Variants in TMEM272 observed in about 807,000 individuals in gnomAD.
TMEM272 encodes the protein transmembrane protein 272, also known as long intergenic non-protein coding RNA 282.
A neutral mutation model predicts 3.7 loss-of-function variants in TMEM272; 8 were observed. The observed-to-expected ratio is 2.17, with a 90% CI of 1.27 to 3.91. The LOEUF (loss-of-function observed/expected upper bound fraction) is 3.91. Ranked by LOEUF, TMEM272 falls within the 30% of genes most tolerant of loss-of-function variation. The probability of loss-of-function intolerance (pLI) is 0.00; values close to 1 mark genes in which losing one functional copy is unlikely to be tolerated. For synonymous variants in TMEM272, 63 were observed against 39.8 expected (o/e 1.58, Z -2.20); for missense variants, 166 against 91.5 (o/e 1.81, Z -3.32).
chr13:51,916,484 T>A, the TMEM272 span, among the ~76,000 whole-genome samples: 1 of 152,260 alleles, frequency 6.6e-6, no homozygotes, highest in African/African-American at 2.4e-5. Flanking sequence ...GTAGCTATCA[T>A]CAACGCATTC....
chr13:51,833,937 A>G (rs1175349513), intron 2 of TMEM272, among the ~76,000 whole-genome samples: 2 of 152,110 alleles, frequency 1.3e-5, no homozygotes, highest in African/African-American at 4.8e-5. Context: ...GAGGAGGAGC[A>G]ATGAAGAGGG....
chr13:51,886,015 A>G, the TMEM272 span, among the ~76,000 whole-genome samples: 1,057 of 152,340 alleles, frequency 6.9e-3, 20 homozygotes, highest in African/African-American at 0.024. Flanking sequence ...TCCATAAAGG[A>G]AGAAGCTTGT....
chr13:51,910,162 C>T, the TMEM272 span: 17 of 1,057,926 alleles, frequency 1.6e-5, no homozygotes, highest in Admixed American at 1.7e-4. Flanking sequence ...GATTTCTCTT[C>T]TTTTATCCCC....
At chr13:51,884,527 C>A in the TMEM272 span, among the ~76,000 whole-genome samples, 100 of 152,286 alleles carry the variant, frequency 6.6e-4, no homozygotes, top group African/African-American at 2.3e-3. Context: ...TACAGCCTGA[C>A]AATTAAAATG....
chr13:51,903,380 C>T, the TMEM272 span, among the ~76,000 whole-genome samples: 5 of 152,190 alleles, frequency 3.3e-5, no homozygotes, highest in African/African-American at 1.2e-4. Flanking sequence ...CACTTCATAA[C>T]TCATTCCTAA....
At chr13:51,906,876 C>T in the TMEM272 span, among the ~76,000 whole-genome samples, 4 of 152,246 alleles carry the variant, frequency 2.6e-5, no homozygotes, top group Non-Finnish European at 4.4e-5. Flanking sequence ...AAGCTATACC[C>T]TGACTCCACA....
At chr13:51,852,813 A>G in the TMEM272 span, among the ~76,000 whole-genome samples, 127 of 151,638 alleles carry the variant, frequency 8.4e-4, no homozygotes, top group African/African-American at 2.9e-3. Context: ...CAGGAGGTGA[A>G]GGATGCAGTG....
the TMEM272 span, among the ~76,000 whole-genome samples, chr13:51,896,654 A>C: frequency 6.6e-6 from 1 of 152,110 alleles, no homozygotes; most frequent in Non-Finnish European, 1.5e-5. Flanking sequence ...ATCTCTTCCC[A>C]TGAGGCACCC....
At chr13:51,870,458 A>C in the TMEM272 span, among the ~76,000 whole-genome samples, 1 of 152,232 alleles carries the variant, frequency 6.6e-6, no homozygotes, top group African/African-American at 2.4e-5. Context: ...AAGAAATGAG[A>C]ATGAAAGAGA....
At chr13:51,840,484 C>T (rs766336060) in intron 1 of TMEM272, among the ~76,000 whole-genome samples, 14 of 152,174 alleles carry the variant, frequency 9.2e-5, no homozygotes, top group Non-Finnish European at 1.6e-4. Flanking sequence ...TTAACCAGAA[C>T]GGACTTTGAC....
chr13:51,919,326 C>G, the TMEM272 span, among the ~76,000 whole-genome samples: 1 of 152,048 alleles, frequency 6.6e-6, no homozygotes, highest in Non-Finnish European at 1.5e-5. Context: ...CAGATTTAAC[C>G]AGTGCTGACA....
chr13:51,917,573 T>A, the TMEM272 span, among the ~76,000 whole-genome samples: 1 of 152,182 alleles, frequency 6.6e-6, no homozygotes, highest in Non-Finnish European at 1.5e-5. Flanking sequence ...CACACGCTAC[T>A]GAGGACAGGT....
At chr13:51,817,949 C>T (rs1381598251) in intron 4 of TMEM272, among the ~76,000 whole-genome samples, 1 of 152,198 alleles carries the variant, frequency 6.6e-6, no homozygotes, top group Non-Finnish European at 1.5e-5. Context: ...AGCACACTTT[C>T]CCCCTGGAAA....
the TMEM272 span, among the ~76,000 whole-genome samples, chr13:51,919,631 C>A: frequency 6.6e-6 from 1 of 152,206 alleles, no homozygotes; most frequent in East Asian, 1.9e-4. Flanking sequence ...TTGGTTCATT[C>A]TGAATGCTGC....
rs1274201872 is a variant in TMEM272, at chr13:51,815,538, T to TA, written c.*1212dup. On this transcript the variant is annotated 3_prime_UTR_variant, in exon 5 of 5. Coordinates refer to ENST00000629372, the MANE Select transcript of TMEM272 (RefSeq NM_001351003.2). ...AGAAAGCACGAAAACATAACAAAGT[T>TA]AAAAAATAAACACAGCTCAGCAGTG... 6.6e-6 allele frequency: 1 copy of TA among 152,274 alleles called. No individual in the cohort carries two copies. The allele number at this position is 152,274 out of a possible 1,614,324, so 9.4% of individuals were successfully genotyped here. A position where few individuals can be genotyped will look rare whatever the true frequency, so the allele number is the denominator to read the frequency against.
chr13:51,928,473 C>A, the TMEM272 span, among the ~76,000 whole-genome samples: 1 of 152,284 alleles, frequency 6.6e-6, no homozygotes, highest in African/African-American at 2.4e-5. Context: ...GATGAGAAGG[C>A]TGAAGCCCCG....
At chr13:51,912,782 C>T in the TMEM272 span, among the ~76,000 whole-genome samples, 1 of 152,202 alleles carries the variant, frequency 6.6e-6, no homozygotes, top group Non-Finnish European at 1.5e-5. Flanking sequence ...ATGTCCAGTG[C>T]AGTCCTGGCA....
chr13:51,830,211 C>T (rs1956161680), intron 2 of TMEM272, among the ~76,000 whole-genome samples: 1 of 152,242 alleles, frequency 6.6e-6, no homozygotes, highest in African/African-American at 2.4e-5. Flanking sequence ...TCCTGTTAAT[C>T]TGTCTTATGT....
At chr13:51,883,400 G>T in the TMEM272 span, among the ~76,000 whole-genome samples, 3 of 152,214 alleles carry the variant, frequency 2.0e-5, no homozygotes, top group African/African-American at 7.2e-5. Context: ...AGACAGAGAA[G>T]AATTTTCTTG....
Sources: gnomAD v4.1 joint callset for allele counts (sites outside exome capture counted in the v4.1 genomes callset) on GRCh38, gnomAD v4.1.1 for gene constraint, MANE v1.5 for transcripts, NCBI Gene and HGNC (gene_info 2026-07-23, HGNC 2026-07-21) for gene names.